The following PPP1R3F variants were observed in gnomAD, a reference collection of about 807,000 sequenced individuals.
PPP1R3F encodes the protein protein phosphatase 1 regulatory subunit 3F.
In PPP1R3F, 29 loss-of-function variants were observed where a neutral mutation model predicts 24.2. That is an observed-to-expected ratio of 1.20 (90% CI 0.89 to 1.63). The LOEUF is 1.63. Ranked by LOEUF, PPP1R3F falls within the 40% of genes most tolerant of loss-of-function variation. PPP1R3F has a pLI of 0.00. For missense variants in PPP1R3F, 823 were observed against 729.3 expected (o/e 1.13, Z -1.48); for synonymous variants, 363 against 340.1 (o/e 1.07, Z -0.74).
intron 3 of PPP1R3F, among the ~76,000 whole-genome samples, chrX:49,284,509 C>CTTTTTTTTT (rs145170789): frequency 8.5e-4 from 43 of 50,813 alleles, no homozygotes; most frequent in South Asian, 1.3e-3. Context: ...CTTTTTCTTT[C>CTTTTTTTTT]TTTTTTTTTT....
intron 3 of PPP1R3F, among the ~76,000 whole-genome samples, chrX:49,294,248 C>T (rs1369259564): frequency 2.8e-5 from 3 of 108,592 alleles, no homozygotes; most frequent in Admixed American, 9.9e-5. Flanking sequence ...CCCTCACCCA[C>T]GCAACACTCC....
At chrX:49,290,786 TA>T (rs2066306180), downstream of PPP1R3F, among the ~76,000 whole-genome samples, 1 of 111,125 alleles carries the variant, frequency 9.0e-6, no homozygotes, top group Non-Finnish European at 1.9e-5. Context: ...ATCAGGGTAA[TA>T]ACTTTTCCTC....
intron 3 of PPP1R3F, among the ~76,000 whole-genome samples, chrX:49,294,775 T>G (rs995939146): frequency 9.2e-6 from 1 of 108,742 alleles, no homozygotes; most frequent in Non-Finnish European, 1.9e-5. Context: ...CCAGGCGTGG[T>G]GGCAGGCGCC....
intron 1 of PPP1R3F, among the ~76,000 whole-genome samples, chrX:49,272,336 A>G (rs2066185436): frequency 8.9e-6 from 1 of 112,379 alleles, no homozygotes; most frequent in African/African-American, 3.2e-5. Context: ...ATTCTGGCAT[A>G]GATTGCCTGG....
At chrX:49,273,591 G>T (rs1557119645) in intron 1 of PPP1R3F, 1 of 112,468 alleles carries the variant, frequency 8.9e-6, no homozygotes, top group Non-Finnish European at 1.9e-5. Flanking sequence ...CTTTCTTGGT[G>T]AGTACATTTC....
chrX:49,270,451 C>T lies in PPP1R3F; in HGVS notation c.582C>T (p.His194=), dbSNP rs1327428428. The change falls in exon 1 of 4, where the codon CAC becomes CAT. Residue 194 remains histidine, a synonymous_variant. Transcript: ENST00000055335. The part of the protein sequence containing the change: ...SHDGWASFCD[H]PARYVPRSPP... ...ACGGCTGGGCTTCCTTTTGCGACCA[C>T]CCAGCGCGCTACGTCCCGCGCAGCC... is the stretch of plus-strand genomic sequence containing the variant. 2 of 1,199,760 alleles carry T rather than the reference C, an allele frequency of 1.7e-6. No homozygotes were observed. Among genetic ancestry groups the T allele is most frequent in the Non-Finnish European group, 2.2e-6 (2 of 893,859 alleles).
chrX:49,277,049 G>A (rs2066218041), intron 1 of PPP1R3F, among the ~76,000 whole-genome samples: 1 of 112,546 alleles, frequency 8.9e-6, no homozygotes, highest in East Asian at 2.8e-4. Flanking sequence ...CATGAATGCT[G>A]GGGGTGCTCC....
At chrX:49,294,717 T>C (rs1426162068) in intron 3 of PPP1R3F, among the ~76,000 whole-genome samples, 1 of 108,016 alleles carries the variant, frequency 9.3e-6, no homozygotes, top group Non-Finnish European at 1.9e-5. Flanking sequence ...GAGACCATCC[T>C]GGCTAACACG....
chrX:49,270,508 A>G lies in PPP1R3F; in HGVS notation c.639A>G (p.Ala213=). 1 of 1,206,133 alleles carries G rather than the reference A, an allele frequency of 8.3e-7. No homozygotes were observed. Among genetic ancestry groups the G allele is most frequent in the Non-Finnish European group, 1.1e-6 (1 of 894,995 alleles). Residue 213 remains alanine, a synonymous_variant, in exon 1 of 4, where the codon GCA becomes GCG. Coordinates refer to ENST00000055335, the MANE Select transcript of PPP1R3F (RefSeq NM_033215.5). ...PPWAGAGGTG[A]GDPILDPGLG... is the part of the protein sequence containing the mutation. The stretch of plus-strand genomic sequence containing the variant: ...GGGCAGGAGCGGGAGGAACAGGAGC[A>G]GGAGATCCCATCCTGGATCCGGGGC...
chrX:49,293,497 G>C (rs1303493532), intron 3 of PPP1R3F, among the ~76,000 whole-genome samples: 1 of 112,030 alleles, frequency 8.9e-6, no homozygotes, highest in East Asian at 2.8e-4. Context: ...ATCAGGAAAT[G>C]CATAAGTAAA....
intron 3 of PPP1R3F, among the ~76,000 whole-genome samples, chrX:49,299,459 G>A (rs1396893468): frequency 7.1e-5 from 8 of 112,020 alleles, no homozygotes; most frequent in African/African-American, 2.6e-4. Flanking sequence ...CCTGCTTGAA[G>A]GTGTCTCCCA....
chrX:49,291,995 C>T (rs1223386308), downstream of PPP1R3F, among the ~76,000 whole-genome samples: 2 of 92,341 alleles, frequency 2.2e-5, no homozygotes, highest in African/African-American at 6.8e-5. Context: ...TCTGGTCCCA[C>T]GGTGAGGTCT....
chrX:49,290,298 C>T (rs375095796), downstream of PPP1R3F, among the ~76,000 whole-genome samples: 159 of 110,582 alleles, frequency 1.4e-3, no homozygotes, highest in African/African-American at 4.9e-3. Context: ...TTGTGGAGAT[C>T]GACTAGTGGG....
At chrX:49,282,389 GTGA>G (rs782515606) in intron 3 of PPP1R3F, among the ~76,000 whole-genome samples, 5 of 109,494 alleles carry the variant, frequency 4.6e-5, no homozygotes, top group Admixed American at 3.9e-4. Flanking sequence ...GGTACTTTAG[GTGA>G]TGATGAGTGA....
intron 3 of PPP1R3F, among the ~76,000 whole-genome samples, chrX:49,284,572 C>T (rs1479360001): frequency 3.2e-5 from 3 of 93,313 alleles, no homozygotes; most frequent in African/African-American, 1.3e-4. Context: ...AGTGCAGTGG[C>T]ACAATCTCGG....
At chrX:49,272,512 AG>A (rs2066186544) in intron 1 of PPP1R3F, among the ~76,000 whole-genome samples, 1 of 112,624 alleles carries the variant, frequency 8.9e-6, no homozygotes, top group Non-Finnish European at 1.9e-5. Flanking sequence ...AGTATCATAC[AG>A]GTGTTAGCTA....
chrX:49,278,917 C>T (rs900526914), intron 1 of PPP1R3F, among the ~76,000 whole-genome samples: 5 of 112,579 alleles, frequency 4.4e-5, no homozygotes, highest in Non-Finnish European at 9.4e-5. Context: ...CAGTCTCCCT[C>T]ATCCAAGAAG....
chrX:49,280,549 CTT>C (rs782591947), intron 1 of PPP1R3F, among the ~76,000 whole-genome samples: 2 of 79,577 alleles, frequency 2.5e-5, no homozygotes, highest in African/African-American at 4.1e-5. Flanking sequence ...GCGTCTGGCC[CTT>C]TTTTTTTTTT....
chrX:49,270,010 G>T lies in PPP1R3F; in HGVS notation c.141G>T (p.Pro47=). 4.3e-6 allele frequency: 4 copies of T among 926,797 alleles called. No homozygotes were observed. Among genetic ancestry groups the T allele is most frequent in the Non-Finnish European group, 5.3e-6 (4 of 749,792 alleles). The allele number at this position is 926,797 out of a possible 1,213,427, so 76.4% of individuals were successfully genotyped here. A position where few individuals can be genotyped will look rare whatever the true frequency, so the allele number is the denominator to read the frequency against. Residue 47 remains proline (P), a synonymous_variant, in exon 1 of 4, where the codon CCG becomes CCT. Coordinates refer to ENST00000055335, the MANE Select transcript of PPP1R3F (RefSeq NM_033215.5). The part of the protein sequence containing the change: ...VLFADEALGL[P]LAQLRRYRPW... ...TCGCCGACGAGGCCTTGGGGCTGCC[G>T]CTGGCGCAGTTGCGCCGCTACCGGC...
Sources: allele counts gnomAD v4.1 joint callset (sites outside exome capture counted in the v4.1 genomes callset), GRCh38; gene constraint gnomAD v4.1.1; transcripts MANE v1.5; gene names NCBI Gene and HGNC (gene_info 2026-07-23, HGNC 2026-07-21).